The following NOX4 variants were observed in gnomAD, a reference collection of about 807,000 sequenced individuals.
NOX4 encodes the protein kidney oxidase-1.
NOX4 carries 69 observed loss-of-function variants against 87.6 expected under a neutral mutation model. The observed-to-expected ratio is 0.79, with a 90% confidence interval of 0.65 to 0.96. The LOEUF is 0.96. Among genes scored for constraint, NOX4 ranks in the 40% least tolerant of loss-of-function variants. The pLI is 0.00. For synonymous variants in NOX4, 275 were observed against 238.2 expected (o/e 1.15, Z -1.42); for missense variants, 680 against 681.5 (o/e 1.00, Z 0.02).
chr11:89,379,883 C>T (rs967157742), intron 11 of NOX4, among the ~76,000 whole-genome samples: 4 of 152,200 alleles, frequency 2.6e-5, no homozygotes, highest in African/African-American at 9.7e-5. Flanking sequence ...CAGCTCCTAA[C>T]TGGACCCCCT....
chr11:89,553,130 A>G, the NOX4 span, among the ~76,000 whole-genome samples: 2 of 152,144 alleles, frequency 1.3e-5, no homozygotes, highest in Non-Finnish European at 2.9e-5. Flanking sequence ...AACACAGACA[A>G]GAGAACCAAT....
chr11:89,489,738 AAAG>A (rs762430369), intron 2 of NOX4, among the ~76,000 whole-genome samples: 17 of 147,734 alleles, frequency 1.2e-4, no homozygotes, highest in African/African-American at 2.2e-4. Context: ...AAAAAAAAAA[AAAG>A]AAAGAAAGAA....
intron 13 of NOX4, among the ~76,000 whole-genome samples, chr11:89,345,778 A>C (rs1393743747): frequency 6.6e-6 from 1 of 152,224 alleles, no homozygotes; most frequent in African/African-American, 2.4e-5. Context: ...AATAAACTAC[A>C]CATATAAGGA....
intron 11 of NOX4, among the ~76,000 whole-genome samples, chr11:89,395,445 C>T (rs1016758688): frequency 1.3e-5 from 2 of 152,146 alleles, no homozygotes; most frequent in Non-Finnish European, 2.9e-5. Flanking sequence ...TTCTCCCATT[C>T]TGTAGGTTGC....
At chr11:89,544,997 C>A in the NOX4 span, 1 of 152,092 alleles carries the variant, frequency 6.6e-6, no homozygotes, top group Admixed American at 6.6e-5. Flanking sequence ...CTTTGAGTAA[C>A]AGGATACTTA....
intron 2 of NOX4, among the ~76,000 whole-genome samples, chr11:89,470,709 G>T (rs1294633603): frequency 6.6e-6 from 1 of 152,152 alleles, no homozygotes; most frequent in African/African-American, 2.4e-5. Context: ...CTGCGTAGAT[G>T]ATCTAGTCCA....
At chr11:89,435,425 A>G (rs2135326440) in intron 6 of NOX4, among the ~76,000 whole-genome samples, 1 of 152,244 alleles carries the variant, frequency 6.6e-6, no homozygotes, top group Non-Finnish European at 1.5e-5. Context: ...TATGTTTAGA[A>G]TAGAGCCACA....
chr11:89,332,362 G>C (rs1482603798), intron 17 of NOX4, among the ~76,000 whole-genome samples: 1 of 151,686 alleles, frequency 6.6e-6, no homozygotes, highest in African/African-American at 2.4e-5. Flanking sequence ...TACTCAAAAA[G>C]CCAAACAAAG....
chr11:89,359,063 T>TCCA (rs1264124735), intron 12 of NOX4, among the ~76,000 whole-genome samples: 1 of 152,114 alleles, frequency 6.6e-6, no homozygotes, highest in Non-Finnish European at 1.5e-5. Flanking sequence ...TAGACCTTCA[T>TCCA]CCACTCTTTC....
At chr11:89,451,732 T>C (rs1944970211) in intron 3 of NOX4, 53 bp downstream of exon 3, 2 of 1,209,634 alleles carry the variant, frequency 1.7e-6, no homozygotes, top group Admixed American at 1.7e-5. Context: ...AACATGCGAC[T>C]GTTACACTTG....
the NOX4 span, among the ~76,000 whole-genome samples, chr11:89,570,178 A>G: frequency 1.3e-5 from 2 of 152,244 alleles, no homozygotes; most frequent in South Asian, 4.1e-4. Context: ...CAGTCATAAA[A>G]AAGAACGAAG....
intron 8 of NOX4, among the ~76,000 whole-genome samples, chr11:89,418,104 C>G (rs1161349978): frequency 6.6e-6 from 1 of 151,668 alleles, no homozygotes; most frequent in African/African-American, 2.4e-5. Flanking sequence ...AGAATGAAAA[C>G]CAGGTTAAGC....
chr11:89,538,407 G>C, the NOX4 span, among the ~76,000 whole-genome samples: 1 of 152,074 alleles, frequency 6.6e-6, no homozygotes, highest in East Asian at 1.9e-4. Context: ...ATTTAAAATT[G>C]AATTACCTTA....
At chr11:89,576,650 T>G in the NOX4 span, among the ~76,000 whole-genome samples, 1 of 152,198 alleles carries the variant, frequency 6.6e-6, no homozygotes, top group African/African-American at 2.4e-5. Context: ...TAGTGTGACA[T>G]TATTCAATTT....
the NOX4 span, among the ~76,000 whole-genome samples, chr11:89,582,781 T>G: frequency 6.6e-6 from 1 of 152,194 alleles, no homozygotes; most frequent in South Asian, 2.1e-4. Flanking sequence ...GCGTTTCTCC[T>G]GGAATCCTGA....
At chr11:89,401,961 A>G (rs1941879320) in intron 9 of NOX4, among the ~76,000 whole-genome samples, 1 of 152,058 alleles carries the variant, frequency 6.6e-6, no homozygotes, top group African/African-American at 2.4e-5. Flanking sequence ...ATATAATACA[A>G]TAAAATAATA....
chr11:89,428,931 G>A (rs536401681), intron 7 of NOX4, among the ~76,000 whole-genome samples: 26 of 152,134 alleles, frequency 1.7e-4, no homozygotes, highest in African/African-American at 3.1e-4. Flanking sequence ...GAACCACATC[G>A]CACTTATTCC....
chr11:89,492,598 C>A (rs1946886475), upstream of NOX4, among the ~76,000 whole-genome samples: 1 of 152,152 alleles, frequency 6.6e-6, no homozygotes, highest in African/African-American at 2.4e-5. Context: ...TTTCTAATAG[C>A]CTGTTTTTCC....
chr11:89,547,476 C>G, the NOX4 span, among the ~76,000 whole-genome samples: 2 of 152,138 alleles, frequency 1.3e-5, 1 homozygote, highest in Admixed American at 1.3e-4. Flanking sequence ...ATTCTAGGAC[C>G]TTGCTCTTCA....
Sources: allele counts gnomAD v4.1 joint callset (sites outside exome capture counted in the v4.1 genomes callset), GRCh38; gene constraint gnomAD v4.1.1; transcripts MANE v1.5; gene names NCBI Gene and HGNC (gene_info 2026-07-23, HGNC 2026-07-21).